GNG7: variants seen among roughly 807,000 people sequenced by gnomAD.
GNG7 encodes G protein subunit gamma 7.
Under a neutral mutation model 4.0 loss-of-function variants are expected in GNG7, and 1 was observed. That is an observed-to-expected ratio of 0.25 (90% CI 0.09 to 1.18). The LOEUF is 1.18. Among genes scored for constraint, GNG7 ranks in the 50% most tolerant of loss-of-function variants. The pLI, the probability that GNG7 is intolerant of heterozygous loss-of-function variation, is 0.50. For missense variants in GNG7, 86 were observed against 91.9 expected, an observed-to-expected ratio of 0.94 and a Z score of 0.26; for synonymous variants, 34 against 36.9, an observed-to-expected ratio of 0.92 and a Z score of 0.29.
intron 2 of GNG7, chr19:2,643,720 C>T: frequency 2.3e-6 from 1 of 444,284 alleles, no homozygotes; most frequent in South Asian, 1.6e-5. Context: ...GGTGCAGTTA[C>T]ACACCCTGCG....
intron 2 of GNG7, among the ~76,000 whole-genome samples, chr19:2,582,656 A>ATTTTTTTTTTTTT (rs35625825): frequency 1.2e-5 from 1 of 86,146 alleles, no homozygotes; most frequent in Admixed American, 1.4e-4. Context: ...CTAATTGTTA[A>ATTTTTTTTTTTTT]TTTTTTTTTT....
chr19:2,664,142 G>C (rs1379597890), intron 1 of GNG7, among the ~76,000 whole-genome samples: 1 of 152,172 alleles, frequency 6.6e-6, no homozygotes, highest in East Asian at 1.9e-4. Flanking sequence ...GGAACTGAGT[G>C]GGCAGGACGG....
chr19:2,657,361 A>AAAATATATATATATAT (rs1555701153), intron 1 of GNG7, among the ~76,000 whole-genome samples: 1 of 16,338 alleles, frequency 6.1e-5, no homozygotes, highest in Non-Finnish European at 1.0e-4. Context: ...AAAAAAAAAA[A>AAAATATATATATATAT]ATATATATAT....
In GNG7 at chr19:2,512,929, T is replaced by G; in HGVS notation, c.*2093A>C. 3.0e-6 allele frequency: 3 copies of G among 985,210 alleles called. No homozygotes were observed. Among genetic ancestry groups the G allele is most frequent in the Non-Finnish European group, 3.6e-6 (3 of 829,898 alleles). 61.0% of individuals were successfully genotyped at this position (985,210 alleles called of 1,614,324 possible). ...CGCCCACACCCCAAACCCTGCCGGCTCCCAGCCCAACCACAGGAGGCTGCA... is the reference window on the plus strand; with the variant it reads ...CGCCCACACCCCAAACCCTGCCGGCGCCCAGCCCAACCACAGGAGGCTGCA... On this transcript the variant is annotated 3_prime_UTR_variant, in exon 5 of 5. Coordinates refer to ENST00000382159, the MANE Select transcript of GNG7 (RefSeq NM_052847.3). The surrounding 1 kb of genome is among the most constrained non-coding windows in gnomAD (Gnocchi z 4.7).
chr19:2,602,262 G>A (rs190470736), intron 2 of GNG7, among the ~76,000 whole-genome samples: 21 of 152,156 alleles, frequency 1.4e-4, no homozygotes, highest in African/African-American at 4.3e-4. Flanking sequence ...GCTTGAACCC[G>A]GGAGGCAGAG....
At chr19:2,669,894 C>T (rs960666278) in intron 1 of GNG7, among the ~76,000 whole-genome samples, 1 of 151,642 alleles carries the variant, frequency 6.6e-6, no homozygotes, top group Non-Finnish European at 1.5e-5. Flanking sequence ...CCTATAATCC[C>T]AGCTACTCGG....
At chr19:2,613,391 G>C (rs140686984) in intron 2 of GNG7, among the ~76,000 whole-genome samples, 22 of 152,232 alleles carry the variant, frequency 1.4e-4, no homozygotes, top group African/African-American at 5.1e-4. Flanking sequence ...GGGAGATCCT[G>C]CATTAATTAT....
chr19:2,693,919 G>A (rs1007809269), intron 1 of GNG7, among the ~76,000 whole-genome samples: 3 of 152,102 alleles, frequency 2.0e-5, no homozygotes, highest in Non-Finnish European at 2.9e-5. Flanking sequence ...CTCAGAGGTC[G>A]AGGTCCCTGT....
At chr19:2,680,681 T>C (rs149972721) in intron 1 of GNG7, among the ~76,000 whole-genome samples, 4,967 of 151,310 alleles carry the variant, frequency 0.033, 128 homozygotes, top group Non-Finnish European at 0.051. Context: ...GTTCAAGAGA[T>C]TCTCCTGCCT....
intron 1 of GNG7, among the ~76,000 whole-genome samples, chr19:2,702,217 GCC>G (rs1447536657): frequency 1.1e-5 from 1 of 94,462 alleles, no homozygotes; most frequent in East Asian, 2.8e-4. Context: ...CCCACCTCCA[GCC>G]CCCTCCCCAG....
intron 2 of GNG7, among the ~76,000 whole-genome samples, chr19:2,564,332 G>A (rs1031337184): frequency 1.3e-5 from 2 of 152,164 alleles, no homozygotes; most frequent in South Asian, 4.1e-4. Flanking sequence ...TGTAAACCCA[G>A]AACTTTGGGA....
intron 1 of GNG7, among the ~76,000 whole-genome samples, chr19:2,679,180 G>C (rs543573820): frequency 2.0e-5 from 3 of 152,128 alleles, no homozygotes; most frequent in Non-Finnish European, 2.9e-5. Flanking sequence ...CTCCCAAGCA[G>C]CTGGGACCAC....
intron 2 of GNG7, among the ~76,000 whole-genome samples, chr19:2,622,918 G>A (rs1402157815): frequency 6.6e-6 from 1 of 152,228 alleles, no homozygotes; most frequent in Admixed American, 6.5e-5. Flanking sequence ...TACCACTAGA[G>A]CTCTGACACC....
At chr19:2,673,098 A>T (rs1250172145) in intron 1 of GNG7, among the ~76,000 whole-genome samples, 5 of 151,722 alleles carry the variant, frequency 3.3e-5, no homozygotes, top group Non-Finnish European at 7.4e-5. Flanking sequence ...CTACTAAACA[A>T]TACAAAAAAT....
In GNG7 at chr19:2,546,336, G is replaced by A. The variant is rs1979125339; in HGVS notation, c.-38+8813C>T. ...AGCCTCTCCAGGGCCAGGTCGCCCA[G>A]CAGGGCCTGGGAGGGCGGCTGTGTG... is the stretch of plus-strand genomic sequence containing the variant. On this transcript the variant is annotated intron_variant, in intron 3 of 4. Transcript: ENST00000382159. This position sits in a 1 kb window ranked among gnomAD's most constrained non-coding sequence, Gnocchi z 6.3. 6.6e-6 allele frequency among the ~76,000 whole-genome samples: 1 copy of A among 152,256 alleles called. No individual in the cohort carries two copies. Among genetic ancestry groups the A allele is most frequent in the Non-Finnish European group, 1.5e-5 (1 of 68,034 alleles).
chr19:2,544,004 AC>A (rs142179214), intron 3 of GNG7, among the ~76,000 whole-genome samples: 8,505 of 151,736 alleles, frequency 0.056, 302 homozygotes, highest in Non-Finnish European at 0.075. Context: ...ACCCCTCCAA[AC>A]CTCTGCCTGC....
chr19:2,551,888 T>C (rs1014984503), intron 3 of GNG7, among the ~76,000 whole-genome samples: 1 of 152,090 alleles, frequency 6.6e-6, no homozygotes, highest in Non-Finnish European at 1.5e-5. Flanking sequence ...TTTTGCCATG[T>C]TGGCCAGTCT....
chr19:2,678,614 C>T (rs918714008), intron 1 of GNG7, among the ~76,000 whole-genome samples: 9 of 151,944 alleles, frequency 5.9e-5, no homozygotes, highest in South Asian at 4.2e-4. Context: ...TCAGTTTCCC[C>T]ATCCACAACA....
chr19:2,530,076 A>G (rs1978533965), intron 3 of GNG7, among the ~76,000 whole-genome samples: 1 of 152,248 alleles, frequency 6.6e-6, no homozygotes, highest in Admixed American at 6.5e-5. Context: ...ATGGTGGATT[A>G]GCAGCTAAGG....
Sources: gnomAD v4.1 joint callset for allele counts (sites outside exome capture counted in the v4.1 genomes callset) on GRCh38, gnomAD v4.1.1 for gene constraint, Gnocchi (gnomAD v3.1) non-coding constraint, MANE v1.5 for transcripts, NCBI Gene and HGNC (gene_info 2026-07-23, HGNC 2026-07-21) for gene names.